The following EIF4A2 variants were observed in gnomAD, a reference collection of about 807,000 sequenced individuals.
EIF4A2 encodes the protein eukaryotic initiation factor 4A-II.
A neutral mutation model predicts 50.6 loss-of-function variants in EIF4A2; 9 were observed. The ratio of observed to expected loss-of-function variants is 0.18; its 90% CI spans 0.11 to 0.31. EIF4A2 has a LOEUF of 0.31. Ranked by LOEUF, EIF4A2 falls within the 10% of genes least tolerant of loss-of-function variation. The pLI, the probability that EIF4A2 is intolerant of heterozygous loss-of-function variation, is 1.00. For missense variants in EIF4A2, 182 were observed against 501.8 expected (o/e 0.36, Z 6.09); for synonymous variants, 215 against 164.4 (o/e 1.31, Z -2.35).
intron 10 of EIF4A2, chr3:186,788,227 TTTAG>T (rs1579167490): frequency 2.5e-6 from 3 of 1,189,630 alleles, no homozygotes; most frequent in Non-Finnish European, 3.3e-6. Flanking sequence ...TGAACCCTGG[TTTAG>T]TTATAGTGGC....
chr3:186,788,019 T>TGTA, intron 10 of EIF4A2, 137 bp downstream of exon 10: 1 of 956,318 alleles, frequency 1.0e-6, no homozygotes, highest in Non-Finnish European at 1.5e-6. Context: ...TAATTAAATT[T>TGTA]GTACTAGGGA....
chr3:186,789,036 C>T (rs539148035), intron 10 of EIF4A2, 89 bp from the exon 11 acceptor site: 5 of 1,490,094 alleles, frequency 3.4e-6, no homozygotes, highest in Non-Finnish European at 3.6e-6. Context: ...GATAAGTAAA[C>T]AGCAGCTGGT....
Position 186,786,664 on chromosome 3 carries a change from G to C in EIF4A2, c.771+19G>C, listed in dbSNP as rs779320192. The C allele has an allele frequency of 6.2e-7, 1 of 1,613,136 alleles. No homozygotes were observed. Among genetic ancestry groups the C allele is most frequent in the Non-Finnish European group, 8.5e-7 (1 of 1,179,768 alleles). ...GAGAGAGGTAACTGTCTGATTGTTA[G>C]ACATTATTTTACCTTCTTGTATAAG... On this transcript the variant is annotated intron_variant, in intron 7 of 10. Transcript: ENST00000323963.
chr3:186,785,167 A>C, intron 4 of EIF4A2, 66 bp downstream of exon 4: 3 of 1,591,762 alleles, frequency 1.9e-6, no homozygotes, highest in Non-Finnish European at 8.6e-7. Context: ...CACAACTGTG[A>C]AGAATTTAAA....
At chr3:186,783,800 C>A in intron 1 of EIF4A2, 161 bp downstream of exon 1, 1 of 1,162,958 alleles carries the variant, frequency 8.6e-7, no homozygotes, top group Non-Finnish European at 1.3e-6. Context: ...GGGTAGGGCC[C>A]GGATTGTGGG....
At chr3:186,784,260 C>A in intron 1 of EIF4A2, 172 bp from the exon 2 acceptor site, 2 of 931,336 alleles carry the variant, frequency 2.1e-6, no homozygotes, top group Non-Finnish European at 1.6e-6. Flanking sequence ...CGGGCATCCG[C>A]AGGCCCCAAC....
rs747674776 is a variant in EIF4A2 at position 186,784,840 on chromosome 3, A to C, written c.209-122A>C. The C allele has an allele frequency of 1.9e-6, 3 of 1,596,612 alleles. No individual in the cohort carries two copies. The South Asian group carries it at 3.3e-5, about 18-fold the overall frequency. On this transcript the variant is annotated intron_variant, in intron 3 of 10. Coordinates refer to ENST00000323963, the MANE Select transcript of EIF4A2 (RefSeq NM_001967.4). ...ATCTTTCGGGACTGACCTGAAATGA[A>C]GAGAATACTCATTGCTGATCACTTG...
chr3:186,785,245 GAAAGTTTTA>G, intron 4 of EIF4A2, 144 bp downstream of exon 4: 1 of 1,277,288 alleles, frequency 7.8e-7, no homozygotes, highest in Non-Finnish European at 1.1e-6. Context: ...AGTTTTTGTT[GAAAGTTTTA>G]AAAGAACTGG....
rs199618892 is a variant in EIF4A2 at position 186,784,620 on chromosome 3, C to A, written c.132C>A (p.Leu44=). The A allele has an allele frequency of 6.2e-7, 1 of 1,614,104 alleles. No individual in the cohort carries two copies. Among genetic ancestry groups the A allele is most frequent in the African/African-American group, 1.3e-5 (1 of 74,938 alleles). ...NFDDMNLKES[L]LRGIYAYGFE... The stretch of plus-strand genomic sequence containing the variant: ...ATGATATGAATTTAAAGGAGTCTCT[C>A]CTTCGTGGCATCTATGCTTACGGTT... The change falls in exon 3 of 11, where the codon CTC becomes CTA. Residue 44 remains leucine (L), a synonymous_variant. Coordinates refer to ENST00000323963, the MANE Select transcript of EIF4A2 (RefSeq NM_001967.4).
chr3:186,784,265 C>T (rs1363520233), intron 1 of EIF4A2, 167 bp from the exon 2 acceptor site: 5 of 1,001,608 alleles, frequency 5.0e-6, no homozygotes, highest in Admixed American at 2.6e-5. Context: ...ATCCGCAGGC[C>T]CCAACCTTTA....
intron 10 of EIF4A2, chr3:186,788,425 TTA>T: frequency 8.0e-7 from 1 of 1,243,334 alleles, no homozygotes. Flanking sequence ...GAGTCGGTAT[TTA>T]TATTTGTTTT....
chr3:186,785,249 G>A (rs1256052966), intron 4 of EIF4A2, 148 bp downstream of exon 4: 2 of 1,207,502 alleles, frequency 1.7e-6, no homozygotes, highest in Non-Finnish European at 2.3e-6. Flanking sequence ...TTTGTTGAAA[G>A]TTTTAAAAGA....
At chr3:186,788,421 G>A in intron 10 of EIF4A2, 1 of 1,242,936 alleles carries the variant, frequency 8.0e-7, no homozygotes, top group Non-Finnish European at 1.0e-6. Context: ...GAGCGAGTCG[G>A]TATTTATATT....
chr3:186,787,730 A>G, intron 9 of EIF4A2, 73 bp from the exon 10 acceptor site: 2 of 1,597,988 alleles, frequency 1.3e-6, no homozygotes, highest in East Asian at 2.2e-5. Flanking sequence ...ATAGTTCGCT[A>G]CTATTTTGTG....
chr3:186,784,314 T>C lies in EIF4A2; in HGVS notation c.30-118T>C, dbSNP rs946073823. ...GTGTGGATATTCGCCCTGAGGCTGC[T>C]GCTTTAGCTTGTGCAGGGGAGGCTA... On this transcript the variant is annotated intron_variant, in intron 1 of 10. Transcript: ENST00000323963. 3.5e-6 allele frequency: 5 copies of C among 1,445,246 alleles called. No homozygotes were observed. In the African/African-American group the frequency reaches 7.0e-5, roughly 20 times the overall value. 89.5% of individuals were successfully genotyped at this position (1,445,246 alleles called of 1,614,324 possible).
At chr3:186,786,769 GT>G in intron 7 of EIF4A2, 124 bp downstream of exon 7, 1 of 1,308,016 alleles carries the variant, frequency 7.6e-7, no homozygotes, top group South Asian at 1.2e-5. Flanking sequence ...AAGAAGAAAA[GT>G]AACAGCACTA....
Position 186,789,287 on chromosome 3 carries a change from T to C in EIF4A2, c.*18T>C, listed in dbSNP as rs1429676396. On this transcript the variant is annotated 3_prime_UTR_variant, in exon 11 of 11. Coordinates refer to ENST00000323963, the MANE Select transcript of EIF4A2 (RefSeq NM_001967.4). ...TTATTTAATTCCTGGGATGAGAGTT[T>C]TGGATGCAGTGCTCGCTGTTGCTGA... is the stretch of plus-strand genomic sequence containing the variant. 6.3e-7 allele frequency: 1 copy of C among 1,599,424 alleles called. No homozygotes were observed. Among genetic ancestry groups the C allele is most frequent in the South Asian group, 1.1e-5 (1 of 89,504 alleles).
chr3:186,787,633 G>A (rs545310899), intron 9 of EIF4A2, 49 bp downstream of exon 9: 1 of 1,611,172 alleles, frequency 6.2e-7, no homozygotes, highest in African/African-American at 1.3e-5. Flanking sequence ...TAGCTTTTTG[G>A]GGGGCAGGTT....
At chr3:186,788,097 C>A in intron 10 of EIF4A2, 1 of 703,656 alleles carries the variant, frequency 1.4e-6, no homozygotes, top group Non-Finnish European at 2.3e-6. Context: ...GGTTTTTTTC[C>A]ACAATTGTTG....
Sources: allele counts gnomAD v4.1 joint callset, GRCh38; gene constraint gnomAD v4.1.1; transcripts MANE v1.5; gene names NCBI Gene and HGNC (gene_info 2026-07-23, HGNC 2026-07-21).